PIK3C2A: variants seen among roughly 807,000 people sequenced by gnomAD.
PIK3C2A encodes the protein phosphatidylinositol 4-phosphate 3-kinase C2 domain-containing subunit alpha.
A neutral mutation model predicts 204.5 loss-of-function variants in PIK3C2A; 97 were observed. That is an observed-to-expected ratio of 0.47 (90% CI 0.40 to 0.56). PIK3C2A has a LOEUF of 0.56. Ranked by LOEUF, PIK3C2A falls within the 20% of genes least tolerant of loss-of-function variation. The pLI, the probability that PIK3C2A is intolerant of heterozygous loss-of-function variation, is 0.00. For missense variants in PIK3C2A, 1,735 were observed against 1,969.2 expected (o/e 0.88, Z 2.25); for synonymous variants, 653 against 664.4 (o/e 0.98, Z 0.26).
chr11:17,105,486 G>A (rs771590515), intron 22 of PIK3C2A, among the ~76,000 whole-genome samples, 181 bp from the exon 23 acceptor site: 27 of 152,112 alleles, frequency 1.8e-4, no homozygotes, highest in Admixed American at 6.5e-4. Context: ...CTACCAACCC[G>A]TCATCTAGGT....
chr11:17,119,648 G>T, intron 16 of PIK3C2A, 138 bp downstream of exon 16: 1 of 560,822 alleles, frequency 1.8e-6, no homozygotes, highest in Non-Finnish European at 3.1e-6. Flanking sequence ...CAGAAGATAT[G>T]TTTGTATAAA....
At chr11:17,147,454 G>A in intron 6 of PIK3C2A, 63 bp downstream of exon 6, 1 of 887,762 alleles carries the variant, frequency 1.1e-6, no homozygotes, top group Admixed American at 2.0e-5. Context: ...GTTGAAAATT[G>A]GCAAATTAGC....
At chr11:17,139,573 C>T (rs1849988561) in intron 8 of PIK3C2A, among the ~76,000 whole-genome samples, 1 of 152,170 alleles carries the variant, frequency 6.6e-6, no homozygotes, top group Non-Finnish European at 1.5e-5. Flanking sequence ...CCTGGCTGGC[C>T]CACGCTGATA....
intron 2 of PIK3C2A, among the ~76,000 whole-genome samples, chr11:17,164,503 G>C (rs1850885258): frequency 6.6e-6 from 1 of 152,158 alleles, no homozygotes; most frequent in Non-Finnish European, 1.5e-5. Flanking sequence ...ACTGCCTTAA[G>C]ACTGGCAAGT....
chr11:17,102,533 T>C (rs1848673193), intron 24 of PIK3C2A, 129 bp downstream of exon 24: 2 of 666,598 alleles, frequency 3.0e-6, no homozygotes, highest in African/African-American at 1.8e-5. Flanking sequence ...TATGGTCATA[T>C]CTTTGGGCCT....
In PIK3C2A at chr11:17,097,131, A is replaced by G. The variant is rs1485299242; in HGVS notation, c.4252T>C (p.Phe1418Leu). 6.2e-7 allele frequency: 1 copy of G among 1,610,630 alleles called. No individual in the cohort carries two copies. Among genetic ancestry groups the G allele is most frequent in the Non-Finnish European group, 8.5e-7 (1 of 1,176,930 alleles). ...ILSFSPKTYSFRQDGRIKEVS... is the reference protein window; with the variant it reads ...ILSFSPKTYSLRQDGRIKEVS... ...TCCTTGATTCGACCATCTTGTCTAA[A>G]GGAGTATGTTTTAGGTGAAAATGAA... Residue 1418 changes from phenylalanine (F) to leucine (L), a missense_variant, in exon 27 of 33, where the codon TTT becomes CTT. Around this residue, in one of 6 missense-constraint regions of PIK3C2A, gnomAD observed 503 missense variants for 669.0 expected, o/e 0.75. Transcript: ENST00000691414.
chr11:17,095,341 T>C (rs1455555191), intron 27 of PIK3C2A, among the ~76,000 whole-genome samples: 1 of 149,236 alleles, frequency 6.7e-6, no homozygotes, highest in Non-Finnish European at 1.5e-5. Flanking sequence ...TTTGGAAGGC[T>C]GAGGCAGGTG....
intron 18 of PIK3C2A, 36 bp from the exon 19 acceptor site, chr11:17,117,707 GGTTTTTTT>G: frequency 3.0e-5 from 16 of 532,480 alleles, no homozygotes; most frequent in South Asian, 4.4e-5. Context: ...GTCACGTCTT[GGTTTTTTT>G]TTTTTTTTTT....
intron 19 of PIK3C2A, chr11:17,115,676 C>T (rs1481694849): frequency 5.9e-5 from 9 of 151,812 alleles, no homozygotes; most frequent in Admixed American, 4.6e-4. Context: ...GAACACTTCA[C>T]GAATTTGCAT....
At chr11:17,159,655 A>C (rs1447516902) in intron 2 of PIK3C2A, among the ~76,000 whole-genome samples, 5 of 152,206 alleles carry the variant, frequency 3.3e-5, no homozygotes, top group Admixed American at 3.3e-4. Flanking sequence ...CATTAAGAGG[A>C]AACAGTCTCT....
At chr11:17,160,141 G>A (rs940137232) in intron 2 of PIK3C2A, among the ~76,000 whole-genome samples, 5 of 152,124 alleles carry the variant, frequency 3.3e-5, no homozygotes, top group Non-Finnish European at 7.4e-5. Flanking sequence ...ACAGCATCTC[G>A]AGCATAGACA....
intron 6 of PIK3C2A, among the ~76,000 whole-genome samples, 163 bp from the exon 7 acceptor site, chr11:17,146,105 A>T (rs900019746): frequency 1.3e-5 from 2 of 152,352 alleles, no homozygotes; most frequent in South Asian, 2.1e-4. Flanking sequence ...TAACTGACTC[A>T]GAAAAAAAGT....
Position 17,092,145 on chromosome 11 carries a change from T to G in PIK3C2A, c.4569+14A>C. ...AGGTATAAGATGTTATTACTTCTCA[T>G]TTAGTAAGGTTACCTCTGCTACATC... On this transcript the variant is annotated intron_variant, in intron 29 of 32. Transcript: ENST00000691414. 3 of 1,498,188 alleles carry G rather than the reference T, an allele frequency of 2.0e-6. No individual in the cohort carries two copies. The highest frequency in any genetic ancestry group is 2.8e-6 in the Non-Finnish European group (3 of 1,074,576). The allele number at this position is 1,498,188 out of a possible 1,614,324, so 92.8% of individuals were successfully genotyped here.
intron 1 of PIK3C2A, 122 bp from the exon 2 acceptor site, chr11:17,169,928 C>T: frequency 1.8e-6 from 1 of 550,408 alleles, no homozygotes; most frequent in Non-Finnish European, 3.2e-6. Flanking sequence ...ACAAAATAAA[C>T]AAAATAAAAC....
Position 17,091,664 on chromosome 11 carries a change from TACAA to T in PIK3C2A, c.4643-12_4643-9del. On this transcript the variant is annotated splice_polypyrimidine_tract_variant and intron_variant, in intron 30 of 32. Coordinates refer to ENST00000691414, the MANE Select transcript of PIK3C2A (RefSeq NM_002645.4). ...GACTGAAGGAACCTGCATCTGAAAATACAAATATTTTCATCTTTATTTACTGGTT... is the reference window on the plus strand; with the variant it reads ...GACTGAAGGAACCTGCATCTGAAAATATATTTTCATCTTTATTTACTGGTT... 3.3e-6 allele frequency: 5 copies of T among 1,520,792 alleles called. No individual in the cohort carries two copies. Among genetic ancestry groups the T allele is most frequent in the Non-Finnish European group, 4.5e-6 (5 of 1,106,302 alleles). The allele number at this position is 1,520,792 out of a possible 1,614,324, so 94.2% of individuals were successfully genotyped here. A position where few individuals can be genotyped will look rare whatever the true frequency, so the allele number is the denominator to read the frequency against.
At chr11:17,205,170 G>T (rs1286202411) in intron 1 of PIK3C2A, among the ~76,000 whole-genome samples, 1 of 148,044 alleles carries the variant, frequency 6.8e-6, no homozygotes, top group African/African-American at 2.5e-5. Context: ...GAGTGAGACT[G>T]TCTCAAAAAA....
chr11:17,089,791 A>G lies in PIK3C2A; in HGVS notation c.5008T>C (p.Leu1670=). The G allele has an allele frequency of 1.2e-6, 2 of 1,614,074 alleles. No homozygotes were observed. Among genetic ancestry groups the G allele is most frequent in the Middle Eastern group, 1.7e-4 (1 of 6,060 alleles). Residue 1670 remains leucine, a synonymous_variant, in exon 33 of 33, where the codon TTG becomes CTG. Transcript: ENST00000691414. ...TACCATTTAACCGTCTCTTTGCTCAAGTTGAAATCTTTCAAAGGCAGGGTT... is the reference window on the plus strand; with the variant it reads ...TACCATTTAACCGTCTCTTTGCTCAGGTTGAAATCTTTCAAAGGCAGGGTT... The part of the protein sequence containing the change: ...GVTLPLKDFN[L]SKETVKWYQL...
intron 24 of PIK3C2A, among the ~76,000 whole-genome samples, chr11:17,101,759 A>C (rs1295014035): frequency 6.6e-6 from 1 of 151,120 alleles, no homozygotes; most frequent in African/African-American, 2.4e-5. Context: ...GCCCGCCACC[A>C]CGCCCGGCTA....
intron 13 of PIK3C2A, among the ~76,000 whole-genome samples, chr11:17,128,273 C>CTTT (rs754387936): frequency 3.5e-5 from 3 of 85,928 alleles, no homozygotes; most frequent in Admixed American, 1.2e-4. Flanking sequence ...TTTAGAGATG[C>CTTT]TTTTTTTTTT....
Sources: allele counts gnomAD v4.1 joint callset (sites outside exome capture counted in the v4.1 genomes callset), GRCh38; gene constraint gnomAD v4.1.1; regional missense constraint gnomAD v4.1.1; transcripts MANE v1.5; gene names NCBI Gene and HGNC (gene_info 2026-07-23, HGNC 2026-07-21).